Variants in AMZ2 observed in about 807,000 individuals in gnomAD.
AMZ2 encodes the protein archaemetzincin-2.
AMZ2 carries 26 observed loss-of-function variants against 36.7 expected under a neutral mutation model. That is an observed-to-expected ratio of 0.71 (90% confidence interval 0.52 to 0.98). The LOEUF (loss-of-function observed/expected upper bound fraction) is 0.98. AMZ2 is among the 50% of genes least tolerant of loss of function. The pLI is 0.00. For synonymous variants in AMZ2, 144 were observed against 149.1 expected (o/e 0.97, Z 0.25); for missense variants, 394 against 430.5 (o/e 0.92, Z 0.75).
In AMZ2 at chr17:68,248,407, A is replaced by G. The variant is rs2074175033; in HGVS notation, c.-299A>G. The G allele has an allele frequency of 8.1e-6, 8 of 986,058 alleles. No individual in the cohort carries two copies. The highest frequency in any genetic ancestry group is 5.2e-5 in the African/African-American group (3 of 57,248). 61.1% of individuals were successfully genotyped at this position (986,058 alleles called of 1,614,324 possible). On this transcript the variant is annotated 5_prime_UTR_variant, in exon 1 of 7. Transcript: ENST00000359904. Reference sequence around the variant, plus strand: ...ACCAGAGCCCACAGTGCGAGTTGCTATAGGCAACCAGCCAGGGTGGCCAGC... The same window carrying G: ...ACCAGAGCCCACAGTGCGAGTTGCTGTAGGCAACCAGCCAGGGTGGCCAGC...
Position 68,250,258 on chromosome 17 carries a change from C to T in AMZ2, c.71C>T (p.Ser24Leu). ...ALISKNPVLVSQYEKLNAGEQ... is the reference protein window; with the variant it reads ...ALISKNPVLVLQYEKLNAGEQ... ...ATCTCAAAGAACCCAGTGCTTGTAT[C>T]ACAGTATGAGAAATTAAATGCTGGG... is the stretch of plus-strand genomic sequence containing the variant. Residue 24 changes from serine to leucine, a missense_variant, in exon 2 of 7, where the codon TCA (serine) becomes TTA (leucine). Transcript: ENST00000359904. 1 of 1,614,198 alleles carries T rather than the reference C, an allele frequency of 6.2e-7. No individual in the cohort carries two copies. The highest frequency in any genetic ancestry group is 8.5e-7 in the Non-Finnish European group (1 of 1,180,040).
intron 3 of AMZ2, 35 bp downstream of exon 3, chr17:68,251,002 T>C: frequency 3.7e-6 from 6 of 1,610,454 alleles, no homozygotes; most frequent in Middle Eastern, 3.3e-4. Flanking sequence ...GAACTGAGTA[T>C]ATGTATATAA....
chr17:68,236,566 C>CTTTTTTTT (rs782220711), intron 1 of AMZ2, among the ~76,000 whole-genome samples: 2 of 103,004 alleles, frequency 1.9e-5, no homozygotes, highest in Non-Finnish European at 3.7e-5. Context: ...GGCAAACATC[C>CTTTTTTTT]TTTTTTTTTT....
chr17:68,248,857 T>G, intron 1 of AMZ2, 152 bp downstream of exon 1: 1 of 789,086 alleles, frequency 1.3e-6, no homozygotes, highest in Non-Finnish European at 1.6e-6. Context: ...GTCAGCCTCT[T>G]CAACCCCAGA....
chr17:68,208,472 T>C (rs137868326), intron 1 of AMZ2, among the ~76,000 whole-genome samples: 3,031 of 152,260 alleles, frequency 0.02, 55 homozygotes, highest in Middle Eastern at 0.061. Context: ...CCTTTGTGTT[T>C]AGCTCAGGGA....
At chr17:68,254,686 T>TTGGTGCA (rs2074763147) in intron 5 of AMZ2, 119 bp downstream of exon 5, 1 of 965,508 alleles carries the variant, frequency 1.0e-6, no homozygotes, top group African/African-American at 1.7e-5. Context: ...TTGTATAATT[T>TTGGTGCA]TGGTGCATAG....
chr17:68,240,485 A>G (rs1197921611), intron 1 of AMZ2, among the ~76,000 whole-genome samples: 1 of 152,246 alleles, frequency 6.6e-6, no homozygotes, highest in Non-Finnish European at 1.5e-5. Context: ...AATGTGAGAG[A>G]GAGGAAAATC....
chr17:68,242,721 A>C (rs12601763), intron 1 of AMZ2, among the ~76,000 whole-genome samples: 48,305 of 151,952 alleles, frequency 0.32, 7,893 homozygotes, highest in Admixed American at 0.43. Context: ...CCAAGCACAT[A>C]TTTTTAAAAC....
chr17:68,251,214 T>G, intron 4 of AMZ2, 36 bp downstream of exon 4: 1 of 1,590,324 alleles, frequency 6.3e-7, no homozygotes, highest in Non-Finnish European at 8.5e-7. Flanking sequence ...AGAAGCTTCT[T>G]CAGCTTGAGA....
intron 1 of AMZ2, among the ~76,000 whole-genome samples, chr17:68,222,886 G>A (rs1555728934): frequency 1.3e-5 from 2 of 152,154 alleles, no homozygotes; most frequent in African/African-American, 2.4e-5. Context: ...GGACCAATAC[G>A]GGTCTGTGGC....
chr17:68,209,624 A>AT lies in AMZ2; in HGVS notation c.-67+3387dup, dbSNP rs1453518334. On this transcript the variant is annotated intron_variant, in intron 1 of 7. Transcript: ENST00000674770. ...TGTGTGTATATGTATATATATATAT[A>AT]TATATATATTTTTTTTTTTTTTTAT... 1.8e-3 allele frequency among the ~76,000 whole-genome samples: 165 copies of AT among 93,390 alleles called. 1 individual carries two copies. Among genetic ancestry groups the AT allele is most frequent in the East Asian group, 0.012 (34 of 2,732 alleles). The allele number at this position is 93,390 out of a possible 152,430, so 61.3% of individuals were successfully genotyped here. A position where few individuals can be genotyped will look rare whatever the true frequency, so the allele number is the denominator to read the frequency against.
chr17:68,249,749 T>C (rs1158788193), intron 1 of AMZ2: 2 of 166,194 alleles, frequency 1.2e-5, no homozygotes, highest in African/African-American at 4.8e-5. Flanking sequence ...TGGGCTCAAG[T>C]GATTCTCCTG....
intron 1 of AMZ2, among the ~76,000 whole-genome samples, chr17:68,225,093 G>A (rs1171824281): frequency 1.3e-5 from 2 of 152,106 alleles, no homozygotes; most frequent in African/African-American, 4.8e-5. Context: ...TCAGGAGGCT[G>A]AGGCAGGAGA....
intron 1 of AMZ2, among the ~76,000 whole-genome samples, chr17:68,223,230 G>A (rs2073414628): frequency 6.6e-6 from 1 of 152,130 alleles, no homozygotes; most frequent in Non-Finnish European, 1.5e-5. Flanking sequence ...GCCCTCATTG[G>A]GGAAAGGTTG....
chr17:68,236,253 A>T (rs560259591), intron 1 of AMZ2, among the ~76,000 whole-genome samples: 1 of 152,346 alleles, frequency 6.6e-6, no homozygotes, highest in Admixed American at 6.5e-5. Flanking sequence ...CACATTATAT[A>T]TATCAAATGT....
intron 1 of AMZ2, among the ~76,000 whole-genome samples, chr17:68,229,107 C>T (rs1349427608): frequency 6.6e-6 from 1 of 152,224 alleles, no homozygotes; most frequent in East Asian, 1.9e-4. Flanking sequence ...ATCCCTCTCT[C>T]CCTCCACTCC....
At chr17:68,209,587 T>TGG (rs1188606892) in intron 1 of AMZ2, among the ~76,000 whole-genome samples, 21 of 105,972 alleles carry the variant, frequency 2.0e-4, no homozygotes, top group African/African-American at 8.3e-4. Flanking sequence ...TGTGGGTGTG[T>TGG]GTGTGTGTGT....
intron 4 of AMZ2, 44 bp from the exon 5 acceptor site, chr17:68,254,360 G>A: frequency 6.4e-7 from 1 of 1,567,174 alleles, no homozygotes. Flanking sequence ...TCTTTCTTCA[G>A]GGACCTTACT....
chr17:68,211,848 A>ATATG (rs2073073595), intron 1 of AMZ2, among the ~76,000 whole-genome samples: 3 of 146,320 alleles, frequency 2.1e-5, no homozygotes, highest in African/African-American at 7.4e-5. Context: ...GTACATGTAT[A>ATATG]TATATGTATA....
Sources: allele counts gnomAD v4.1 joint callset (sites outside exome capture counted in the v4.1 genomes callset), GRCh38; gene constraint gnomAD v4.1.1; transcripts MANE v1.5; gene names NCBI Gene and HGNC (gene_info 2026-07-23, HGNC 2026-07-21).